PCDHA8: variants seen among roughly 807,000 people sequenced by gnomAD.
The protein encoded by PCDHA8 is protocadherin alpha 8.
Under a neutral mutation model 61.8 loss-of-function variants are expected in PCDHA8, and 53 were observed. The ratio of observed to expected loss-of-function variants is 0.86; its 90% CI spans 0.69 to 1.08. The LOEUF is 1.08. PCDHA8 is among the 50% of genes least tolerant of loss of function. The probability of loss-of-function intolerance (pLI) is 0.00; values close to 1 mark genes in which losing one functional copy is unlikely to be tolerated. For missense variants in PCDHA8, 1,293 were observed against 1,245.0 expected, an observed-to-expected ratio of 1.04 and a Z score of -0.58; for synonymous variants, 618 against 556.6, an observed-to-expected ratio of 1.11 and a Z score of -1.55.
chr5:140,993,661 A>G (rs902592339), intron 3 of PCDHA8, among the ~76,000 whole-genome samples: 1 of 152,182 alleles, frequency 6.6e-6, no homozygotes, highest in African/African-American at 2.4e-5. Flanking sequence ...TTGGTTAACA[A>G]TGGACCACAT....
intron 1 of PCDHA8, chr5:140,968,548 G>T: frequency 6.2e-7 from 1 of 1,614,174 alleles, no homozygotes; most frequent in Non-Finnish European, 8.5e-7. Context: ...TCGAGATGGT[G>T]CCTCGAACTG....
At chr5:140,855,487 T>A (rs1554147815) in intron 1 of PCDHA8, among the ~76,000 whole-genome samples, 3 of 149,802 alleles carry the variant, frequency 2.0e-5, no homozygotes, top group Non-Finnish European at 1.5e-5. Flanking sequence ...GACATTAGTG[T>A]CTAAATAAAC....
intron 1 of PCDHA8, among the ~76,000 whole-genome samples, chr5:140,937,638 CATGGTGG>C (rs1563162054): frequency 2.0e-5 from 3 of 150,048 alleles, no homozygotes; most frequent in South Asian, 4.2e-4. Flanking sequence ...AAAGGCAGGG[CATGGTGG>C]CTCACGCCTG....
intron 1 of PCDHA8, among the ~76,000 whole-genome samples, chr5:140,909,261 G>A (rs1358542746): frequency 6.6e-6 from 1 of 152,226 alleles, no homozygotes; most frequent in Admixed American, 6.5e-5. Flanking sequence ...CTTGCTGACT[G>A]AAGGCAAATT....
chr5:140,968,068 C>T (rs1554230278), intron 1 of PCDHA8: 1 of 1,614,024 alleles, frequency 6.2e-7, no homozygotes, highest in East Asian at 2.2e-5. Context: ...GGGTGGCTGT[C>T]TACAACATCA....
intron 1 of PCDHA8, among the ~76,000 whole-genome samples, chr5:140,873,824 C>A (rs1411429273): frequency 6.6e-6 from 1 of 152,118 alleles, no homozygotes; most frequent in Non-Finnish European, 1.5e-5. Flanking sequence ...CCACTCCTGG[C>A]TAATTTTTGT....
chr5:140,916,561 G>A (rs1038683507), intron 1 of PCDHA8, among the ~76,000 whole-genome samples: 9 of 152,180 alleles, frequency 5.9e-5, no homozygotes, highest in African/African-American at 2.2e-4. Context: ...TTTGTCCAGG[G>A]TGTGTCTAGA....
intron 1 of PCDHA8, chr5:140,877,849 TA>T: frequency 6.5e-7 from 1 of 1,545,946 alleles, no homozygotes; most frequent in Non-Finnish European, 8.7e-7. Context: ...AGTAAGTTAT[TA>T]ATATTATTTA....
chr5:140,851,152 C>A, intron 1 of PCDHA8: 2 of 1,305,064 alleles, frequency 1.5e-6, no homozygotes, highest in Non-Finnish European at 2.0e-6. Context: ...CATTGAATTT[C>A]TGATGCTATG....
chr5:140,955,078 G>T lies in PCDHA8; in HGVS notation c.2395-23871G>T, dbSNP rs192023775. On this transcript the variant is annotated intron_variant, in intron 1 of 3. Transcript: ENST00000531613. ...TTGTCAGGTTTGTTGAAGATCAGAT[G>T]GTTGTAGGTGTGTGGTGTTATTTCT... Among the ~76,000 whole-genome samples, 36 of 152,228 alleles carry T rather than the reference G, an allele frequency of 2.4e-4. No homozygotes were observed. In the East Asian group the frequency reaches 6.6e-3, roughly 28 times the overall value.
intron 1 of PCDHA8, among the ~76,000 whole-genome samples, chr5:140,889,476 C>G (rs2062241146): frequency 6.6e-6 from 1 of 152,054 alleles, no homozygotes; most frequent in South Asian, 2.1e-4. Flanking sequence ...TATGCTCATA[C>G]TTTCTACAGA....
chr5:140,856,704 C>T, intron 1 of PCDHA8: 1 of 1,596,654 alleles, frequency 6.3e-7, no homozygotes, highest in Non-Finnish European at 8.6e-7. Context: ...GGAGGCAAAC[C>T]TGAATTTACC....
intron 1 of PCDHA8, chr5:140,926,948 C>A: frequency 1.3e-6 from 2 of 1,589,774 alleles, no homozygotes; most frequent in South Asian, 1.1e-5. Flanking sequence ...GGCGCTGCAG[C>A]GGGACAGCTC....
At chr5:140,950,976 A>G (rs543425095) in intron 1 of PCDHA8, among the ~76,000 whole-genome samples, 188 of 151,348 alleles carry the variant, frequency 1.2e-3, no homozygotes, top group African/African-American at 4.3e-3. Flanking sequence ...AGATTCATTG[A>G]CTTTTGCCTC....
intron 1 of PCDHA8, among the ~76,000 whole-genome samples, chr5:140,917,561 C>T (rs1286710001): frequency 6.6e-6 from 1 of 152,214 alleles, no homozygotes; most frequent in Non-Finnish European, 1.5e-5. Flanking sequence ...ACTCTTTAAT[C>T]CATCTCAGGC....
chr5:140,957,541 A>C (rs2153713960), intron 1 of PCDHA8, among the ~76,000 whole-genome samples: 1 of 152,298 alleles, frequency 6.6e-6, no homozygotes, highest in South Asian at 2.1e-4. Flanking sequence ...GATCTTAGAA[A>C]GTATTCTCTG....
chr5:140,934,587 T>C (rs1316719317), intron 1 of PCDHA8, among the ~76,000 whole-genome samples: 1 of 152,176 alleles, frequency 6.6e-6, no homozygotes, highest in Non-Finnish European at 1.5e-5. Flanking sequence ...ATTTCTGTAA[T>C]GGGTCTTCAA....
rs193096250 is a variant in PCDHA8 at position 140,998,611 on chromosome 5, C to A, written c.2543-11016C>A. Among the ~76,000 whole-genome samples, 28 of 151,482 alleles carry A rather than the reference C, an allele frequency of 1.8e-4. No individual in the cohort carries two copies. The East Asian group carries it at 5.2e-3, about 28-fold the overall frequency. ...CAGAGTTTTGCTCTTGTTGCCCAGG[C>A]TGGAGTGCAATGGCACAATCTCAGC... On this transcript the variant is annotated intron_variant, in intron 3 of 3. Transcript: ENST00000531613.
rs150677637 is a variant in PCDHA8, at chr5:140,857,404, T to A, written c.2394+13689T>A. Reference sequence around the variant, plus strand: ...TGGCCGACGTGAACGACAACGCGCCTGCGTTCGCGCAGTCCGAGTACACGG... The same window carrying A: ...TGGCCGACGTGAACGACAACGCGCCAGCGTTCGCGCAGTCCGAGTACACGG... On this transcript the variant is annotated intron_variant, in intron 1 of 3. Transcript: ENST00000531613. 5,154 of 1,597,952 alleles carry A rather than the reference T, an allele frequency of 3.2e-3. 410 individuals carry two copies. In the African/African-American group the frequency reaches 0.057, roughly 18 times the overall value.
Sources: gnomAD v4.1 joint callset for allele counts (sites outside exome capture counted in the v4.1 genomes callset) on GRCh38, gnomAD v4.1.1 for gene constraint, MANE v1.5 for transcripts, NCBI Gene and HGNC (gene_info 2026-07-23, HGNC 2026-07-21) for gene names.